SNAPC3: variants seen among roughly 807,000 people sequenced by gnomAD.
SNAPC3 encodes the protein snRNA-activating protein complex subunit 3.
Under a neutral mutation model 47.7 loss-of-function variants are expected in SNAPC3, and 56 were observed. That is an observed-to-expected ratio of 1.18 (90% CI 0.95 to 1.47). SNAPC3 has a LOEUF of 1.47. Among genes scored for constraint, SNAPC3 ranks in the 40% most tolerant of loss-of-function variants. The pLI is 0.00. For missense variants in SNAPC3, 665 were observed against 511.3 expected, an observed-to-expected ratio of 1.30 and a Z score of -2.90; for synonymous variants, 235 against 189.9, an observed-to-expected ratio of 1.24 and a Z score of -1.95.
At chr9:15,462,148 T>G (rs545633240), downstream of SNAPC3, 1 of 152,226 alleles carries the variant, frequency 6.6e-6, no homozygotes, top group Non-Finnish European at 1.5e-5. Context: ...AATGCATTAT[T>G]CCATGTGTGG....
intron 2 of SNAPC3, among the ~76,000 whole-genome samples, chr9:15,432,888 T>A (rs2032340080): frequency 1.3e-5 from 2 of 152,300 alleles, no homozygotes; most frequent in Middle Eastern, 3.4e-3. Context: ...GAAACAAGAT[T>A]TGCATAGTGT....
downstream of SNAPC3, chr9:15,465,420 C>CA (rs2035550190): frequency 1.8e-6 from 2 of 1,087,584 alleles, no homozygotes; most frequent in Non-Finnish European, 2.7e-6. Context: ...TTTTCAACAT[C>CA]AAACCTATGC....
At position 15,427,596 on chromosome 9, in the gene SNAPC3, G is replaced by A. The variant is rs186311472; in HGVS notation, c.392+3610G>A. On this transcript the variant is annotated intron_variant, in intron 2 of 8. Coordinates refer to ENST00000380821, the MANE Select transcript of SNAPC3 (RefSeq NM_001039697.2). ...AACTCCTGACCTCAAGTGATCTGCC[G>A]GCCTTGCCCCAAAGGGCTGGTATTA... Among the ~76,000 whole-genome samples the A allele has an allele frequency of 1.4e-3, 215 of 152,130 alleles. 1 individual carries two copies. The highest frequency in any genetic ancestry group is 4.9e-3 in the African/African-American group (203 of 41,500).
intron 2 of SNAPC3, among the ~76,000 whole-genome samples, chr9:15,424,894 C>G (rs1002812921): frequency 6.6e-6 from 1 of 152,276 alleles, no homozygotes; most frequent in African/African-American, 2.4e-5. Context: ...AATCTGTTCC[C>G]CTGGTCCCTA....
intron 1 of SNAPC3, 74 bp downstream of exon 1, chr9:15,423,267 G>GA (rs2030832487): frequency 1.4e-6 from 2 of 1,406,494 alleles, no homozygotes; most frequent in African/African-American, 3.0e-5. Flanking sequence ...GCTCCTCTGG[G>GA]ACTCATCCCT....
intron 4 of SNAPC3, among the ~76,000 whole-genome samples, chr9:15,446,389 T>C (rs1443129154): frequency 6.6e-6 from 1 of 152,176 alleles, no homozygotes. Flanking sequence ...AAATTTTTTG[T>C]AGAGATGGGG....
In SNAPC3 at chr9:15,453,157, A is replaced by C; in HGVS notation, c.932A>C (p.Tyr311Ser). The change falls in exon 7 of 9, where the codon TAC (tyrosine) becomes TCC (serine). Residue 311 changes from tyrosine (Y) to serine (S), a missense_variant. Coordinates refer to ENST00000380821, the MANE Select transcript of SNAPC3 (RefSeq NM_001039697.2). ...ATTAAACTGGGTTTTCCTTACTTAT[A>C]CTGTCATCAGGGAGACTGTGAACAT... ...LCIKLGFPYLYCHQGDCEHVI... is the reference protein window; with the variant it reads ...LCIKLGFPYLSCHQGDCEHVI... 1 of 1,613,318 alleles carries C rather than the reference A, an allele frequency of 6.2e-7. No individual in the cohort carries two copies. The highest frequency in any genetic ancestry group is 1.1e-5 in the South Asian group (1 of 91,070).
intron 3 of SNAPC3, among the ~76,000 whole-genome samples, chr9:15,444,147 C>T (rs570941017): frequency 6.6e-6 from 1 of 152,300 alleles, no homozygotes; most frequent in South Asian, 2.1e-4. Context: ...TTATAAAAAG[C>T]ATAGGGTTTA....
chr9:15,452,213 T>C (rs1353483879), intron 6 of SNAPC3, among the ~76,000 whole-genome samples: 1 of 152,102 alleles, frequency 6.6e-6, no homozygotes, highest in Non-Finnish European at 1.5e-5. Context: ...GCCGACTGCA[T>C]CGGCCTCCCA....
At chr9:15,441,383 C>T (rs370052994) in intron 3 of SNAPC3, among the ~76,000 whole-genome samples, 1,168 of 59,528 alleles carry the variant, frequency 0.02, 16 homozygotes, top group African/African-American at 0.04. Flanking sequence ...GTTCCCTTTT[C>T]TTTTTTTTTT....
chr9:15,428,737 AC>A, intron 2 of SNAPC3, among the ~76,000 whole-genome samples: 1 of 152,146 alleles, frequency 6.6e-6, no homozygotes, highest in East Asian at 1.9e-4. Context: ...ATTGTAAGAT[AC>A]CTAAGGGAAA....
chr9:15,464,516 G>A, downstream of SNAPC3: 1 of 200,362 alleles, frequency 5.0e-6, no homozygotes, highest in Non-Finnish European at 1.0e-5. Context: ...GTACAATGCT[G>A]GAACAACTAG....
intron 2 of SNAPC3, among the ~76,000 whole-genome samples, chr9:15,429,266 G>A (rs974952241): frequency 2.6e-5 from 4 of 152,048 alleles, no homozygotes; most frequent in African/African-American, 9.7e-5. Context: ...CAAATGTCAA[G>A]GTTATAGAAA....
intron 7 of SNAPC3, 107 bp downstream of exon 7, chr9:15,453,312 A>G: frequency 2.4e-6 from 2 of 846,232 alleles, no homozygotes; most frequent in East Asian, 2.6e-5. Flanking sequence ...AGTAATAACC[A>G]TTGCAACTTG....
chr9:15,452,958 G>T, intron 6 of SNAPC3, 83 bp from the exon 7 acceptor site: 1 of 1,168,102 alleles, frequency 8.6e-7, no homozygotes, highest in South Asian at 1.6e-5. Context: ...AGGTTAATGT[G>T]AATTACTGCA....
At chr9:15,436,876 T>A (rs1403929366) in intron 3 of SNAPC3, among the ~76,000 whole-genome samples, 2 of 147,918 alleles carry the variant, frequency 1.4e-5, no homozygotes, top group East Asian at 2.0e-4. Context: ...CAGGCTGGAG[T>A]GCAATGGTGC....
At chr9:15,432,328 C>T (rs1395362741) in intron 2 of SNAPC3, among the ~76,000 whole-genome samples, 3 of 152,076 alleles carry the variant, frequency 2.0e-5, no homozygotes, top group Non-Finnish European at 4.4e-5. Flanking sequence ...CATATATTTC[C>T]TGCCTATCTC....
intron 5 of SNAPC3, among the ~76,000 whole-genome samples, chr9:15,449,535 T>TA (rs1270478730): frequency 7.4e-4 from 34 of 45,764 alleles, no homozygotes; most frequent in African/African-American, 2.0e-3. Flanking sequence ...TCTATTATTA[T>TA]TATATATATA....
intron 3 of SNAPC3, among the ~76,000 whole-genome samples, chr9:15,441,552 G>T (rs1243101953): frequency 6.6e-6 from 1 of 151,896 alleles, no homozygotes; most frequent in South Asian, 2.1e-4. Flanking sequence ...GCCTTCTGCA[G>T]TGTTTGTGTC....
Sources: allele counts gnomAD v4.1 joint callset (sites outside exome capture counted in the v4.1 genomes callset), GRCh38; gene constraint gnomAD v4.1.1; transcripts MANE v1.5; gene names NCBI Gene and HGNC (gene_info 2026-07-23, HGNC 2026-07-21).